The following BTBD7 variants were observed in gnomAD, a reference collection of about 807,000 sequenced individuals.
BTBD7 encodes BTB domain containing 7, also known as BTB/POZ domain-containing protein 7.
BTBD7 carries 38 observed loss-of-function variants against 99.9 expected under a neutral mutation model. The observed-to-expected ratio is 0.38, with a 90% confidence interval of 0.29 to 0.50. The LOEUF (loss-of-function observed/expected upper bound fraction) is 0.50, where lower values mean the gene tolerates loss of function less well. BTBD7 is among the 20% of genes least tolerant of loss of function. BTBD7 has a pLI of 0.93. For synonymous variants in BTBD7, 520 were observed against 511.4 expected (o/e 1.02, Z -0.23); for missense variants, 1,170 against 1,394.6 (o/e 0.84, Z 2.57).
chr14:93,296,483 T>C (rs1337609857), intron 1 of BTBD7, among the ~76,000 whole-genome samples: 1 of 152,220 alleles, frequency 6.6e-6, no homozygotes, highest in East Asian at 1.9e-4. Context: ...TAATTTTTGT[T>C]TTAAATCCTT....
rs200651641 is a variant in BTBD7 at position 93,320,866 on chromosome 14, C to T, written c.-107+11954G>A. On this transcript the variant is annotated intron_variant, in intron 1 of 10. Coordinates refer to ENST00000334746, the MANE Select transcript of BTBD7 (RefSeq NM_001002860.4). ...GTTAAACAGTATAAATGATCAGAGT[C>T]CATCTACTAGTATAATTTTATTTTA... Among the ~76,000 whole-genome samples, 8 of 152,188 alleles carry T rather than the reference C, an allele frequency of 5.3e-5. No individual in the cohort carries two copies. In the East Asian group the frequency reaches 1.5e-3, roughly 29 times the overall value.
chr14:93,326,217 A>G (rs1016317953), intron 1 of BTBD7, among the ~76,000 whole-genome samples: 5 of 152,202 alleles, frequency 3.3e-5, no homozygotes, highest in Admixed American at 6.5e-5. Flanking sequence ...CTATAATCCC[A>G]GCACTTTGGG....
intron 1 of BTBD7, among the ~76,000 whole-genome samples, chr14:93,329,561 G>C (rs1286871259): frequency 6.6e-6 from 1 of 152,166 alleles, no homozygotes; most frequent in Admixed American, 6.5e-5. Context: ...TGCCCATTGA[G>C]GGGAACTTAA....
chr14:93,305,692 A>T (rs534914045), intron 1 of BTBD7, among the ~76,000 whole-genome samples: 2 of 152,358 alleles, frequency 1.3e-5, no homozygotes, highest in East Asian at 3.9e-4. Flanking sequence ...TGCATCTTAA[A>T]ACTCTATTTT....
chr14:93,278,922 A>C (rs1203694534), intron 3 of BTBD7, among the ~76,000 whole-genome samples: 1 of 152,232 alleles, frequency 6.6e-6, no homozygotes, highest in Non-Finnish European at 1.5e-5. Context: ...ACGTGAGTAA[A>C]GTGCTTGACA....
intron 1 of BTBD7, among the ~76,000 whole-genome samples, chr14:93,316,449 GT>G (rs1566863683): frequency 6.6e-6 from 1 of 151,934 alleles, no homozygotes; most frequent in Non-Finnish European, 1.5e-5. Context: ...AGGTCTTGGT[GT>G]GTTATAAAGG....
chr14:93,332,717 G>GCGCCCCCA (rs2053462624), intron 1 of BTBD7, 103 bp downstream of exon 1: 1 of 1,335,366 alleles, frequency 7.5e-7, no homozygotes, highest in Admixed American at 4.0e-5. Flanking sequence ...CCCAGCCCCG[G>GCGCCCCCA]CGCCCCCACG....
intron 4 of BTBD7, among the ~76,000 whole-genome samples, chr14:93,262,033 A>G (rs1233667806): frequency 1.3e-5 from 2 of 149,854 alleles, no homozygotes; most frequent in Non-Finnish European, 3.0e-5. Flanking sequence ...CAGTGCCATC[A>G]TGGGTCTCTG....
rs149143355 is a variant in BTBD7 at position 93,296,670 on chromosome 14, A to C, written c.-106-513T>G. On this transcript the variant is annotated intron_variant, in intron 1 of 10. Coordinates refer to ENST00000334746, the MANE Select transcript of BTBD7 (RefSeq NM_001002860.4). ...GTATAATTAGGCATTTTACTAAAAG[A>C]GGGAGGAGGAAAGGTGGACAATTAA... is the stretch of plus-strand genomic sequence containing the variant. Among the ~76,000 whole-genome samples, 443 of 152,320 alleles carry C rather than the reference A, an allele frequency of 2.9e-3. 4 individuals carry two copies. Among genetic ancestry groups the C allele is most frequent in the African/African-American group, 9.7e-3 (405 of 41,578 alleles).
In BTBD7 at chr14:93,294,091, G is replaced by T; in HGVS notation, c.929C>A (p.Pro310His). 1.2e-6 allele frequency: 2 copies of T among 1,613,998 alleles called. No individual in the cohort carries two copies. The highest frequency in any genetic ancestry group is 1.1e-5 in the South Asian group (1 of 91,048). The change falls in exon 3 of 11, where the codon CCC (proline) becomes CAC (histidine). Residue 310 changes from proline to histidine, a missense_variant. Transcript: ENST00000334746. ...EEITDRTLRT[P>H]TRIILDESII... is the part of the protein sequence containing the mutation. ...GGACTCATCTAATATAATTCTTGTG[G>T]GAGTCCTCAAAGTTCGGTCTGTGAT...
chr14:93,325,304 T>G (rs2053317812), intron 1 of BTBD7, among the ~76,000 whole-genome samples: 1 of 151,946 alleles, frequency 6.6e-6, no homozygotes, highest in African/African-American at 2.4e-5. Flanking sequence ...GAGATGGGGT[T>G]TCGCCATGTT....
chr14:93,295,831 TGTTG>T (rs2052919121), intron 2 of BTBD7, 135 bp downstream of exon 2: 3 of 740,816 alleles, frequency 4.0e-6, no homozygotes, highest in Admixed American at 5.9e-5. Context: ...GATTTACGTT[TGTTG>T]GGGGAAAAAA....
chr14:93,290,992 T>G (rs1002752383), intron 3 of BTBD7, among the ~76,000 whole-genome samples: 5 of 141,196 alleles, frequency 3.5e-5, no homozygotes, highest in Non-Finnish European at 7.7e-5. Context: ...GCCTAGTTTT[T>G]TTTTTTTTTT....
intron 3 of BTBD7, among the ~76,000 whole-genome samples, chr14:93,291,012 T>G (rs1261148235): frequency 1.4e-5 from 2 of 145,096 alleles, no homozygotes; most frequent in African/African-American, 2.5e-5. Flanking sequence ...TTTTTTTTTT[T>G]GGTAGAGACG....
intron 1 of BTBD7, among the ~76,000 whole-genome samples, chr14:93,300,077 C>T (rs1019458219): frequency 4.6e-5 from 7 of 151,998 alleles, no homozygotes; most frequent in Non-Finnish European, 8.8e-5. Flanking sequence ...ATCTAGGATT[C>T]GGTTATCTCT....
chr14:93,325,482 A>C (rs541130029), intron 1 of BTBD7, among the ~76,000 whole-genome samples: 1 of 152,218 alleles, frequency 6.6e-6, no homozygotes, highest in East Asian at 1.9e-4. Flanking sequence ...AGAGATGGAG[A>C]GGTACAGTGG....
intron 1 of BTBD7, among the ~76,000 whole-genome samples, chr14:93,326,667 T>G (rs1290892334): frequency 6.6e-6 from 1 of 152,074 alleles, no homozygotes; most frequent in Non-Finnish European, 1.5e-5. Flanking sequence ...CCAGGTGTGG[T>G]GGCGCGTACC....
intron 3 of BTBD7, among the ~76,000 whole-genome samples, chr14:93,290,748 TGGTGC>T (rs1278846318): frequency 3.3e-5 from 5 of 151,874 alleles, no homozygotes; most frequent in African/African-American, 1.2e-4. Flanking sequence ...TGGTGTGCAG[TGGTGC>T]GATCTCAGCT....
intron 4 of BTBD7, among the ~76,000 whole-genome samples, chr14:93,262,902 AC>A (rs148953253): frequency 0.019 from 2,820 of 152,248 alleles, 78 homozygotes; most frequent in African/African-American, 0.064. Context: ...GGACAATGAG[AC>A]AAGGTTAATG....
Sources: gnomAD v4.1 joint callset for allele counts (sites outside exome capture counted in the v4.1 genomes callset) on GRCh38, gnomAD v4.1.1 for gene constraint, MANE v1.5 for transcripts, NCBI Gene and HGNC (gene_info 2026-07-23, HGNC 2026-07-21) for gene names.